FANCB: variants seen among roughly 807,000 people sequenced by gnomAD.
The protein encoded by FANCB is Fanconi anemia group B protein.
In FANCB, 5 loss-of-function variants were observed where a neutral mutation model predicts 38.9. That is an observed-to-expected ratio of 0.13 (90% CI 0.07 to 0.27). The LOEUF (loss-of-function observed/expected upper bound fraction) is 0.27, where lower values mean the gene tolerates loss of function less well. Ranked by LOEUF, FANCB falls within the 10% of genes least tolerant of loss-of-function variation. The pLI is 1.00. For synonymous variants in FANCB, 236 were observed against 215.4 expected, an observed-to-expected ratio of 1.10 and a Z score of -0.84; for missense variants, 573 against 602.7, an observed-to-expected ratio of 0.95 and a Z score of 0.52.
chrX:14,824,822 ATTAT>A, the FANCB span, among the ~76,000 whole-genome samples: 8 of 112,258 alleles, frequency 7.1e-5, no homozygotes, highest in Non-Finnish European at 1.5e-4. Context: ...TTGTACAGAA[ATTAT>A]TTATATTTAC....
At chrX:14,736,600 G>C in the FANCB span, among the ~76,000 whole-genome samples, 2 of 110,320 alleles carry the variant, frequency 1.8e-5, no homozygotes, top group East Asian at 2.9e-4. Context: ...GAGATGAGCC[G>C]GGTACCTCAG....
At chrX:14,808,044 A>G in the FANCB span, among the ~76,000 whole-genome samples, 1 of 111,856 alleles carries the variant, frequency 8.9e-6, no homozygotes, top group Non-Finnish European at 1.9e-5. Context: ...TGAACAGATC[A>G]ATAAAGTAAC....
At chrX:14,868,468 A>T (rs1398749332) in intron 2 of FANCB, among the ~76,000 whole-genome samples, 1 of 111,946 alleles carries the variant, frequency 8.9e-6, no homozygotes, top group Non-Finnish European at 1.9e-5. Flanking sequence ...AAATAAGCCA[A>T]TCACAAAAAG....
intron 7 of FANCB, among the ~76,000 whole-genome samples, chrX:14,846,621 C>A (rs1375533884): frequency 9.0e-6 from 1 of 111,216 alleles, no homozygotes; most frequent in Non-Finnish European, 1.9e-5. Context: ...TACATACCTC[C>A]CAGTGGAAGA....
chrX:14,768,795 G>A, the FANCB span, among the ~76,000 whole-genome samples: 9 of 110,986 alleles, frequency 8.1e-5, no homozygotes, highest in Non-Finnish European at 1.1e-4. Context: ...TTGGCTGTGG[G>A]TTTGTCATAT....
chrX:14,828,174 G>A, the FANCB span, among the ~76,000 whole-genome samples: 1 of 111,642 alleles, frequency 9.0e-6, no homozygotes, highest in Non-Finnish European at 1.9e-5. Context: ...TTTGCTAGTC[G>A]AGGATCTTTC....
At chrX:14,804,323 T>C in the FANCB span, among the ~76,000 whole-genome samples, 2 of 112,243 alleles carry the variant, frequency 1.8e-5, no homozygotes, top group African/African-American at 6.5e-5. Context: ...GATGAGTTCA[T>C]GTCCTTTGTA....
At chrX:14,798,131 TTTTG>T in the FANCB span, among the ~76,000 whole-genome samples, 1 of 108,046 alleles carries the variant, frequency 9.3e-6, no homozygotes, top group Non-Finnish European at 1.9e-5. Flanking sequence ...CCTGTTTTGT[TTTTG>T]TTTTTTTTTT....
chrX:14,771,099 T>A, the FANCB span, among the ~76,000 whole-genome samples: 3 of 111,410 alleles, frequency 2.7e-5, no homozygotes, highest in East Asian at 8.5e-4. Flanking sequence ...GAGAATCTGA[T>A]GATTATGTTT....
intron 6 of FANCB, among the ~76,000 whole-genome samples, chrX:14,852,689 T>C (rs1254739455): frequency 2.7e-5 from 3 of 112,121 alleles, no homozygotes; most frequent in African/African-American, 9.7e-5. Context: ...GTATATTCTA[T>C]TTAAGTCAGT....
the FANCB span, among the ~76,000 whole-genome samples, chrX:14,739,944 G>A: frequency 1.8e-5 from 2 of 112,058 alleles, no homozygotes; most frequent in Non-Finnish European, 3.8e-5. Flanking sequence ...TCAAAGAGGA[G>A]TGCAAAGCTC....
chrX:14,859,424 T>G, intron 3 of FANCB, 90 bp from the exon 4 acceptor site: 2 of 654,211 alleles, frequency 3.1e-6, no homozygotes, highest in Non-Finnish European at 4.9e-6. Flanking sequence ...CATGTAGTTG[T>G]CATTTGTAAA....
the FANCB span, among the ~76,000 whole-genome samples, chrX:14,784,068 G>A: frequency 3.5e-4 from 39 of 111,928 alleles, 1 homozygote; most frequent in South Asian, 0.014. Flanking sequence ...AAATTAGCTG[G>A]GCATGGTGGT....
At chrX:14,777,980 T>C in the FANCB span, among the ~76,000 whole-genome samples, 1,167 of 111,820 alleles carry the variant, frequency 0.01, 17 homozygotes, top group African/African-American at 0.036. Context: ...AATTCTTACA[T>C]TTGGAATGTG....
In FANCB at chrX:14,853,220, A is replaced by G. The variant is rs1410799567; in HGVS notation, c.1198-53T>C. The G allele has an allele frequency of 5.6e-6, 6 of 1,063,942 alleles. No individual in the cohort carries two copies. In the East Asian group the frequency reaches 1.8e-4, roughly 33 times the overall value. The allele number at this position is 1,063,942 out of a possible 1,213,427, so 87.7% of individuals were successfully genotyped here. On this transcript the variant is annotated intron_variant, in intron 5 of 9. Coordinates refer to ENST00000650831, the MANE Select transcript of FANCB (RefSeq NM_001018113.3). ...AAGAAACATGATTTCAAATGAAACC[A>G]GACATACCAATAATTCAGGAAATAC...
chrX:14,823,079 CT>C, the FANCB span, among the ~76,000 whole-genome samples: 1,832 of 71,006 alleles, frequency 0.026, 33 homozygotes, highest in African/African-American at 0.088. Flanking sequence ...TACCCTTTTA[CT>C]TTTTTTTTTT....
chrX:14,809,847 G>C, the FANCB span, among the ~76,000 whole-genome samples: 1 of 112,591 alleles, frequency 8.9e-6, no homozygotes, highest in African/African-American at 3.2e-5. Context: ...CCAGCACGCA[G>C]CTGGAGATCT....
the FANCB span, among the ~76,000 whole-genome samples, chrX:14,797,463 C>T: frequency 9.0e-6 from 1 of 111,430 alleles, no homozygotes; most frequent in Non-Finnish European, 1.9e-5. Context: ...GGGTGGATCA[C>T]CTGATGTCAG....
At position 14,865,442 on chromosome X, in the gene FANCB, A is replaced by G. The variant is rs151173533; in HGVS notation, c.69T>C (p.Leu23=). The G allele has an allele frequency of 7.4e-4, 892 of 1,208,857 alleles. 1 individual carries two copies. Among genetic ancestry groups the G allele is most frequent in the Non-Finnish European group, 9.5e-4 (851 of 894,568 alleles). The change falls in exon 3 of 10, where the codon CTT becomes CTC. Residue 23 remains leucine, a synonymous_variant. Coordinates refer to ENST00000650831, the MANE Select transcript of FANCB (RefSeq NM_001018113.3). ...AATTTCCTTTAGACAACTGGAAAAC[A>G]AGGACTTCCCCATTATAACACAAGA... The part of the protein sequence containing the change: ...ERLLCYNGEV[L]VFQLSKGNFA...
Sources: gnomAD v4.1 joint callset for allele counts (sites outside exome capture counted in the v4.1 genomes callset) on GRCh38, gnomAD v4.1.1 for gene constraint, MANE v1.5 for transcripts, NCBI Gene and HGNC (gene_info 2026-07-23, HGNC 2026-07-21) for gene names.